LAMB1: variants seen among roughly 807,000 people sequenced by gnomAD.
LAMB1 encodes laminin subunit beta-1.
In LAMB1, 121 loss-of-function variants were observed where a neutral mutation model predicts 222.3. That is an observed-to-expected ratio of 0.54 (90% CI 0.47 to 0.63). The LOEUF is 0.63. Ranked by LOEUF, LAMB1 falls within the 30% of genes least tolerant of loss-of-function variation. The probability of loss-of-function intolerance (pLI) is 0.00; values close to 1 mark genes in which losing one functional copy is unlikely to be tolerated. For missense variants in LAMB1, 2,172 were observed against 2,240.8 expected, an observed-to-expected ratio of 0.97 and a Z score of 0.62; for synonymous variants, 794 against 807.2, an observed-to-expected ratio of 0.98 and a Z score of 0.28.
At chr7:107,939,429 GAGA>G (rs1277106163) in intron 25 of LAMB1, among the ~76,000 whole-genome samples, 1 of 152,174 alleles carries the variant, frequency 6.6e-6, no homozygotes, top group Admixed American at 6.5e-5. Context: ...ACTAATGGCG[GAGA>G]AGCAGAAAAA....
Position 107,932,332 on chromosome 7 carries a change from C to T in LAMB1, c.4234G>A (p.Gly1412Ser), listed in dbSNP as rs757929565. 2 of 1,614,226 alleles carry T rather than the reference C, an allele frequency of 1.2e-6. No homozygotes were observed. The highest frequency in any genetic ancestry group is 1.7e-6 in the Non-Finnish European group (2 of 1,180,034). ...PGASCSETECGGPNCRTDEGE... is the reference protein window; with the variant it reads ...PGASCSETECSGPNCRTDEGE... ...TCGTCAGTTCTGCAGTTTGGCCCGC[C>T]ACATTCAGTCTCGGAACAGGAGGCC... The change falls in exon 28 of 34, where the codon GGC (glycine) becomes AGC (serine). Residue 1412 changes from glycine to serine, a missense_variant. By Grantham distance (56) the Gly-to-Ser change is moderately conservative. Transcript: ENST00000222399.
chr7:107,992,655 G>T (rs1269363955), intron 5 of LAMB1, among the ~76,000 whole-genome samples: 1 of 152,218 alleles, frequency 6.6e-6, no homozygotes, highest in Non-Finnish European at 1.5e-5. Flanking sequence ...CAGCACTTTG[G>T]GAGGCCAAGG....
At chr7:107,948,834 A>G (rs992954010) in intron 24 of LAMB1, among the ~76,000 whole-genome samples, 9 of 152,204 alleles carry the variant, frequency 5.9e-5, no homozygotes, top group Non-Finnish European at 8.8e-5. Context: ...ATTGGCCAGC[A>G]TAATAGGCAA....
Position 107,964,651 on chromosome 7 carries a change from A to T in LAMB1, c.1599T>A (p.Pro533=). ...CGTTGCACTGACGTCCAATCATGTGAGGCCGGCATGAGCACTGGCCTGACT... is the reference window on the plus strand; with the variant it reads ...CGTTGCACTGACGTCCAATCATGTGTGGCCGGCATGAGCACTGGCCTGACT... The part of the protein sequence containing the change: ...FAESGQCSCR[P]HMIGRQCNEV... Residue 533 remains proline (P), a synonymous_variant, in exon 14 of 34, where the codon CCT becomes CCA. Transcript: ENST00000222399. 1 of 1,614,126 alleles carries T rather than the reference A, an allele frequency of 6.2e-7. No homozygotes were observed. The highest frequency in any genetic ancestry group is 8.5e-7 in the Non-Finnish European group (1 of 1,180,012).
At chr7:107,955,420 A>C in intron 21 of LAMB1, 47 bp downstream of exon 21, 3 of 1,538,160 alleles carry the variant, frequency 2.0e-6, no homozygotes, top group Non-Finnish European at 2.7e-6. Context: ...ACTCATAAAG[A>C]CATCTTTTTC....
Position 107,924,403 on chromosome 7 carries a change from T to G in LAMB1, c.5065-14A>C. ...ACCATCTAAAGTCTATAGTTCCACA[T>G]TTAGACAGAAAGAAGTGGTAATGTT... On this transcript the variant is annotated splice_polypyrimidine_tract_variant and intron_variant, in intron 32 of 33. Transcript: ENST00000222399. 2 of 1,581,974 alleles carry G rather than the reference T, an allele frequency of 1.3e-6. No individual in the cohort carries two copies. Among genetic ancestry groups the G allele is most frequent in the Non-Finnish European group, 1.7e-6 (2 of 1,161,800 alleles).
intron 27 of LAMB1, among the ~76,000 whole-genome samples, chr7:107,932,921 C>T (rs2032747800): frequency 6.6e-6 from 1 of 152,178 alleles, no homozygotes; most frequent in East Asian, 1.9e-4. Context: ...AGAAAGTAGA[C>T]AAAGGAGAGA....
At position 107,955,447 on chromosome 7, in the gene LAMB1, A is replaced by C. The variant is rs112564395; in HGVS notation, c.2854+20T>G. On this transcript the variant is annotated intron_variant, in intron 21 of 33. Coordinates refer to ENST00000222399, the MANE Select transcript of LAMB1 (RefSeq NM_002291.3). ...ATCTTTTTCTCTCTCTTTGCCTCCC[A>C]AAGTATGCACACGACTTACCAATGT... The C allele has an allele frequency of 1.6e-3, 2,525 of 1,593,854 alleles. 34 individuals are homozygous for C. The African/African-American group carries it at 0.03, about 19-fold the overall frequency.
chr7:107,935,789 G>T (rs1331966115), intron 26 of LAMB1, 133 bp from the exon 27 acceptor site: 1 of 1,017,952 alleles, frequency 9.8e-7, no homozygotes, highest in Non-Finnish European at 1.4e-6. Flanking sequence ...AAATATTTAT[G>T]AAGTACAGTT....
intron 13 of LAMB1, 97 bp from the exon 14 acceptor site, chr7:107,964,784 C>T (rs895135560): frequency 1.5e-6 from 2 of 1,302,704 alleles, no homozygotes; most frequent in Non-Finnish European, 2.1e-6. Context: ...GTACACAGGA[C>T]CAAATACATA....
chr7:107,996,463 G>A (rs78283032), intron 4 of LAMB1, among the ~76,000 whole-genome samples: 1,866 of 152,274 alleles, frequency 0.012, 31 homozygotes, highest in East Asian at 0.04. Flanking sequence ...GCCCCGCCAC[G>A]TATAAGCACA....
At chr7:107,990,109 G>C (rs550260181) in intron 5 of LAMB1, among the ~76,000 whole-genome samples, 3 of 152,094 alleles carry the variant, frequency 2.0e-5, no homozygotes, top group Admixed American at 2.0e-4. Flanking sequence ...TACAATCATA[G>C]TTCACTGCAG....
chr7:107,997,516 C>T (rs2150455229), intron 4 of LAMB1, among the ~76,000 whole-genome samples: 1 of 152,294 alleles, frequency 6.6e-6, no homozygotes, highest in East Asian at 1.9e-4. Context: ...GCAGCGGCAT[C>T]CAAAGCCTGC....
intron 26 of LAMB1, 127 bp from the exon 27 acceptor site, chr7:107,935,783 A>G (rs1342143870): frequency 9.4e-7 from 1 of 1,062,404 alleles, no homozygotes; most frequent in East Asian, 2.4e-5. Context: ...AAGAAAAAAT[A>G]TTTATGAAGT....
intron 8 of LAMB1, among the ~76,000 whole-genome samples, chr7:107,979,579 T>G (rs1343914251): frequency 3.3e-5 from 5 of 152,148 alleles, no homozygotes; most frequent in African/African-American, 1.2e-4. Context: ...ATCCTCTAGG[T>G]CTGTAAGAAT....
At chr7:107,943,888 G>T (rs1562981395) in intron 24 of LAMB1, among the ~76,000 whole-genome samples, 1 of 152,172 alleles carries the variant, frequency 6.6e-6, no homozygotes, top group Non-Finnish European at 1.5e-5. Flanking sequence ...AGCTGGAGCA[G>T]AATCACGACT....
At chr7:108,001,791 A>G (rs945128185) in intron 2 of LAMB1, 58 bp from the exon 3 acceptor site, 4 of 1,593,638 alleles carry the variant, frequency 2.5e-6, no homozygotes, top group Non-Finnish European at 3.4e-6. Flanking sequence ...GGAGCCCGAA[A>G]AAAACGAACA....
chr7:107,931,913 A>G (rs751560140), intron 28 of LAMB1, among the ~76,000 whole-genome samples: 58 of 152,250 alleles, frequency 3.8e-4, no homozygotes, highest in Non-Finnish European at 6.6e-4. Context: ...TAAGATGGCT[A>G]TCTCAAATTA....
chr7:108,001,195 G>A (rs2034375261), intron 3 of LAMB1, among the ~76,000 whole-genome samples: 1 of 152,188 alleles, frequency 6.6e-6, no homozygotes, highest in South Asian at 2.1e-4. Flanking sequence ...GGTAGAGGGG[G>A]GTGGGGAAAC....
Sources: gnomAD v4.1 joint callset for allele counts (sites outside exome capture counted in the v4.1 genomes callset) on GRCh38, gnomAD v4.1.1 for gene constraint, MANE v1.5 for transcripts, NCBI Gene and HGNC (gene_info 2026-07-23, HGNC 2026-07-21) for gene names.